Variants in ANTXRL observed in about 807,000 individuals in gnomAD.
ANTXRL encodes the protein anthrax toxin receptor-like.
A neutral mutation model predicts 75.4 loss-of-function variants in ANTXRL; 63 were observed. That is an observed-to-expected ratio of 0.84 (90% CI 0.68 to 1.03). The LOEUF (loss-of-function observed/expected upper bound fraction) is 1.03. ANTXRL is among the 50% of genes least tolerant of loss of function. The probability of loss-of-function intolerance (pLI) is 0.00; values close to 1 mark genes in which losing one functional copy is unlikely to be tolerated. For synonymous variants in ANTXRL, 335 were observed against 291.3 expected (o/e 1.15, Z -1.53); for missense variants, 797 against 789.4 (o/e 1.01, Z -0.12).
rs567692950 is a variant in ANTXRL, at chr10:46,314,432, A to G, written c.1410+1116A>G. Among the ~76,000 whole-genome samples, 17 of 152,156 alleles carry G rather than the reference A, an allele frequency of 1.1e-4. 1 individual carries two copies. In the South Asian group the frequency reaches 3.5e-3, roughly 32 times the overall value. Reference sequence around the variant, plus strand: ...GCACTAGTCCAGCCTTATGCACTGAACAGGTGAGACACTTAGGAGGGATAG... The same window carrying G: ...GCACTAGTCCAGCCTTATGCACTGAGCAGGTGAGACACTTAGGAGGGATAG... On this transcript the variant is annotated intron_variant, in intron 16 of 16. Coordinates refer to ENST00000620264, the MANE Select transcript of ANTXRL (RefSeq NM_001278688.3).
chr10:46,330,002 G>A lies in ANTXRL; in HGVS notation c.1814G>A (p.Arg605Lys), dbSNP rs1839421911. 6.5e-7 allele frequency: 1 copy of A among 1,533,674 alleles called. No homozygotes were observed. Among genetic ancestry groups the A allele is most frequent in the Non-Finnish European group, 8.7e-7 (1 of 1,145,818 alleles). Reference protein sequence around the residue: ...PPARCLRPPSRMLPLLSPLLR... With the variant: ...PPARCLRPPSKMLPLLSPLLR... ...GCTAGGTGCTTGAGGCCTCCCTCCA[G>A]GATGCTGCCGCTGCTGTCCCCACTG... Residue 605 changes from arginine (R) to lysine (K), a missense_variant, in exon 17 of 17, where the codon AGG becomes AAG. Physicochemically the swap from Arg to Lys is conservative, Grantham distance 26. Coordinates refer to ENST00000620264, the MANE Select transcript of ANTXRL (RefSeq NM_001278688.3).
intron 2 of ANTXRL, among the ~76,000 whole-genome samples, chr10:46,293,512 TGTGTGTGTGC>T (rs1837167321): frequency 2.5e-5 from 3 of 118,074 alleles, no homozygotes; most frequent in Admixed American, 1.7e-4. Flanking sequence ...TGCACCTGTG[TGTGTGTGTGC>T]CTCTGTGTGT....
intron 16 of ANTXRL, among the ~76,000 whole-genome samples, chr10:46,328,873 G>T (rs1390309268): frequency 1.3e-5 from 2 of 152,146 alleles, no homozygotes; most frequent in Non-Finnish European, 2.9e-5. Flanking sequence ...TCAGAGGCTA[G>T]ATTGAACCCC....
intron 16 of ANTXRL, among the ~76,000 whole-genome samples, 169 bp downstream of exon 16, chr10:46,313,485 A>G (rs1209646024): frequency 6.6e-6 from 1 of 152,164 alleles, no homozygotes; most frequent in Non-Finnish European, 1.5e-5. Context: ...GTTTCTGGAC[A>G]TGGCATCAAA....
chr10:46,299,070 T>C (rs1449371010), intron 9 of ANTXRL, among the ~76,000 whole-genome samples: 9 of 151,672 alleles, frequency 5.9e-5, no homozygotes, highest in Non-Finnish European at 8.8e-5. Flanking sequence ...TGGCATGGAG[T>C]AGCAGCTAAC....
At chr10:46,323,245 T>C (rs1839061753) in intron 16 of ANTXRL, among the ~76,000 whole-genome samples, 1 of 152,152 alleles carries the variant, frequency 6.6e-6, no homozygotes, top group Non-Finnish European at 1.5e-5. Flanking sequence ...TGGCATATCC[T>C]GCCTGATATT....
intron 16 of ANTXRL, among the ~76,000 whole-genome samples, chr10:46,315,383 C>T (rs1190750517): frequency 6.6e-6 from 1 of 152,254 alleles, no homozygotes; most frequent in Non-Finnish European, 1.5e-5. Context: ...CCCAGCCAGG[C>T]AGCCCAACTG....
chr10:46,305,589 A>G (rs12411395), intron 10 of ANTXRL, among the ~76,000 whole-genome samples: 44,776 of 151,642 alleles, frequency 0.3, 6,256 homozygotes, highest in African/African-American at 0.39. Flanking sequence ...AGCCGAGCCC[A>G]GTGGGTAGAG....
chr10:46,327,560 G>A (rs2132939120), intron 16 of ANTXRL, among the ~76,000 whole-genome samples: 1 of 152,208 alleles, frequency 6.6e-6, no homozygotes. Context: ...AGCAGGGCAG[G>A]GGCAGGAGAG....
chr10:46,307,551 A>G, intron 12 of ANTXRL, 71 bp downstream of exon 12: 1 of 1,389,300 alleles, frequency 7.2e-7, no homozygotes, highest in East Asian at 2.5e-5. Context: ...AGGAGCACAG[A>G]AAAGGCAGAC....
At chr10:46,308,168 A>G (rs1838205029) in intron 12 of ANTXRL, among the ~76,000 whole-genome samples, 1 of 152,118 alleles carries the variant, frequency 6.6e-6, no homozygotes, top group South Asian at 2.1e-4. Flanking sequence ...AGGACACACC[A>G]GTGTTGAGAG....
In ANTXRL at chr10:46,329,959, A is replaced by G. The variant is rs1839418234; in HGVS notation, c.1771A>G (p.Arg591Gly). The change falls in exon 17 of 17, where the codon AGG (arginine) becomes GGG (glycine). Residue 591 changes from arginine to glycine, a missense_variant. By Grantham distance (125) the Arg-to-Gly change is moderately radical. Coordinates refer to ENST00000620264, the MANE Select transcript of ANTXRL (RefSeq NM_001278688.3). ...GTGCCTCCCCCTCACCTGCTCCTCC[A>G]GGTGCCGCCTCCCCCCAGCTAGGTG... ...RECLPLTCSS[R>G]CRLPPARCLR... The G allele has an allele frequency of 5.9e-6, 9 of 1,525,448 alleles. No homozygotes were observed. Among genetic ancestry groups the G allele is most frequent in the Non-Finnish European group, 7.9e-6 (9 of 1,142,952 alleles). 94.5% of individuals were successfully genotyped at this position (1,525,448 alleles called of 1,614,324 possible).
intron 10 of ANTXRL, among the ~76,000 whole-genome samples, chr10:46,306,036 G>A (rs1554961797): frequency 6.6e-6 from 1 of 152,048 alleles, no homozygotes; most frequent in Non-Finnish European, 1.5e-5. Context: ...CCTTTCCAGG[G>A]CCCACAAGGC....
At position 46,329,752 on chromosome 10, in the gene ANTXRL, G is replaced by A. The variant is rs782340745; in HGVS notation, c.1564G>A (p.Ala522Thr). 26 of 1,531,362 alleles carry A rather than the reference G, an allele frequency of 1.7e-5. No individual in the cohort carries two copies. Among genetic ancestry groups the A allele is most frequent in the South Asian group, 1.3e-4 (11 of 83,822 alleles). 94.9% of individuals were successfully genotyped at this position (1,531,362 alleles called of 1,614,324 possible). Residue 522 changes from alanine to threonine, a missense_variant, in exon 17 of 17, where the codon GCC becomes ACC. By Grantham distance (58) the Ala-to-Thr change is moderately conservative. Coordinates refer to ENST00000620264, the MANE Select transcript of ANTXRL (RefSeq NM_001278688.3). ...CCTGAGACACAGCCGGGAGTGCCTC[G>A]CCCTCAAACAGGCTCGCTGCAGCCC... ...MCLRHSRECLALKQARCSPNI... is the reference protein window; with the variant it reads ...MCLRHSRECLTLKQARCSPNI...
intron 14 of ANTXRL, among the ~76,000 whole-genome samples, chr10:46,310,885 G>T (rs1554963313): frequency 1.3e-5 from 2 of 152,098 alleles, no homozygotes; most frequent in African/African-American, 4.8e-5. Context: ...GGCAGGTGTG[G>T]CTCCATTTGG....
chr10:46,290,145 G>T (rs1292504824), intron 1 of ANTXRL, among the ~76,000 whole-genome samples: 1 of 149,090 alleles, frequency 6.7e-6, no homozygotes, highest in Non-Finnish European at 1.5e-5. Context: ...AGTTTCAAGC[G>T]ATTCTCCCTG....
chr10:46,329,491 G>A (rs1449917750), intron 16 of ANTXRL, 108 bp from the exon 17 acceptor site: 3 of 1,388,350 alleles, frequency 2.2e-6, no homozygotes, highest in African/African-American at 2.9e-5. Flanking sequence ...CCCACCCTGT[G>A]GGTCCCGATG....
At chr10:46,293,942 T>G (rs1554957729) in intron 3 of ANTXRL, 42 bp downstream of exon 3, 9 of 1,521,930 alleles carry the variant, frequency 5.9e-6, no homozygotes, top group African/African-American at 1.4e-5. Context: ...CTGATGAGCT[T>G]GGCCAGAGGG....
intron 9 of ANTXRL, among the ~76,000 whole-genome samples, chr10:46,300,617 A>C (rs182887429): frequency 1.3e-5 from 2 of 151,894 alleles, no homozygotes; most frequent in African/African-American, 4.9e-5. Context: ...GACCAGGTGG[A>C]GCACAGGCAC....
Sources: allele counts gnomAD v4.1 joint callset (sites outside exome capture counted in the v4.1 genomes callset), GRCh38; gene constraint gnomAD v4.1.1; transcripts MANE v1.5; gene names NCBI Gene and HGNC (gene_info 2026-07-23, HGNC 2026-07-21).